CDH12: variants seen among roughly 807,000 people sequenced by gnomAD.
CDH12 encodes the protein cadherin-12.
CDH12 carries 41 observed loss-of-function variants against 74.1 expected under a neutral mutation model. The observed-to-expected ratio is 0.55, with a 90% CI of 0.43 to 0.72. CDH12 has a LOEUF of 0.72. Ranked by LOEUF, CDH12 falls within the 30% of genes least tolerant of loss-of-function variation. The pLI, the probability that CDH12 is intolerant of heterozygous loss-of-function variation, is 0.00. For missense variants in CDH12, 945 were observed against 977.2 expected, an observed-to-expected ratio of 0.97 and a Z score of 0.44; for synonymous variants, 399 against 355.0, an observed-to-expected ratio of 1.12 and a Z score of -1.39.
intron 6 of CDH12, among the ~76,000 whole-genome samples, chr5:21,894,382 GAAA>G (rs376989106): frequency 2.7e-5 from 2 of 73,440 alleles, no homozygotes; most frequent in African/African-American, 4.4e-5. Flanking sequence ...CCGTCTCAAA[GAAA>G]AAAAAAAAAA....
Position 22,761,474 on chromosome 5 carries a change from G to T in CDH12, c.-523+91584C>A, listed in dbSNP as rs1233293168. Among the ~76,000 whole-genome samples the T allele has an allele frequency of 2.6e-5, 4 of 152,056 alleles. No individual in the cohort carries two copies. The East Asian group carries it at 7.7e-4, about 29-fold the overall frequency. ...GGAGTTTTCATAATCACAAGTAAAT[G>T]GTTATCCACAATATTAAGTGCTACA... is the stretch of plus-strand genomic sequence containing the variant. On this transcript the variant is annotated intron_variant, in intron 1 of 14. Transcript: ENST00000382254.
rs549399228 is a variant in CDH12 at position 21,889,900 on chromosome 5, A to C, written c.527-35110T>G. 13 of 962,768 alleles carry C rather than the reference A, an allele frequency of 1.4e-5. No homozygotes were observed. In the East Asian group the frequency reaches 1.4e-3, roughly 102 times the overall value. 59.6% of individuals were successfully genotyped at this position (962,768 alleles called of 1,614,324 possible). ...TTTCTTAGCATATAAGTTACCCCAC[A>C]CTGGCAATGTTTGACTTTTATTGCT... On this transcript the variant is annotated intron_variant, in intron 6 of 14. Transcript: ENST00000382254.
At chr5:21,996,250 C>G (rs3111153) in intron 5 of CDH12, among the ~76,000 whole-genome samples, 31,439 of 151,832 alleles carry the variant, frequency 0.21, 3,980 homozygotes, top group African/African-American at 0.35. Context: ...GATCGGCCCT[C>G]GCCATGCCAG....
At chr5:22,607,927 G>A (rs1580812005) in intron 1 of CDH12, among the ~76,000 whole-genome samples, 2 of 152,336 alleles carry the variant, frequency 1.3e-5, no homozygotes, top group South Asian at 2.1e-4. Context: ...GTGGATGTAT[G>A]GGAACACCTG....
chr5:22,425,153 G>GTGTGTA (rs1554039869), intron 2 of CDH12, among the ~76,000 whole-genome samples: 2 of 88,016 alleles, frequency 2.3e-5, no homozygotes, highest in Admixed American at 1.2e-4. Context: ...ATGTGTGTGT[G>GTGTGTA]TATATATATA....
At position 22,133,512 on chromosome 5, in the gene CDH12, C is replaced by T. The variant is rs529917272; in HGVS notation, c.-186-54650G>A. On this transcript the variant is annotated intron_variant, in intron 4 of 14. Transcript: ENST00000382254. ...AAAACTTAGACTCATATTTGTAATTCAACCCAAATGACAAATTTTTCAGTT... is the reference window on the plus strand; with the variant it reads ...AAAACTTAGACTCATATTTGTAATTTAACCCAAATGACAAATTTTTCAGTT... 5.1e-4 allele frequency among the ~76,000 whole-genome samples: 77 copies of T among 152,140 alleles called. No individual in the cohort carries two copies. In the South Asian group the frequency reaches 0.013, roughly 26 times the overall value.
chr5:22,540,467 C>T (rs1181870036), intron 1 of CDH12, among the ~76,000 whole-genome samples: 1 of 152,056 alleles, frequency 6.6e-6, no homozygotes, highest in Non-Finnish European at 1.5e-5. Context: ...CAGCTACCTT[C>T]ACTTTTAGTA....
At chr5:22,427,552 TTTTC>T (rs1743992144) in intron 2 of CDH12, among the ~76,000 whole-genome samples, 1 of 152,196 alleles carries the variant, frequency 6.6e-6, no homozygotes, top group African/African-American at 2.4e-5. Context: ...TTGCTTTCCT[TTTTC>T]TTTGTCTTTA....
chr5:22,100,577 A>T (rs1234508753), intron 4 of CDH12, among the ~76,000 whole-genome samples: 1 of 151,456 alleles, frequency 6.6e-6, no homozygotes, highest in Non-Finnish European at 1.5e-5. Flanking sequence ...GAATCTGAAA[A>T]ATGATTCTGT....
intron 1 of CDH12, among the ~76,000 whole-genome samples, chr5:22,721,103 C>A (rs1206949529): frequency 6.6e-6 from 1 of 152,202 alleles, no homozygotes; most frequent in African/African-American, 2.4e-5. Flanking sequence ...GTCAGCTCCT[C>A]CCATCACAGG....
chr5:21,808,243 G>A (rs1402027530), intron 9 of CDH12, among the ~76,000 whole-genome samples: 3 of 151,968 alleles, frequency 2.0e-5, no homozygotes, highest in South Asian at 2.1e-4. Context: ...CCCCAATCAC[G>A]CCTTGATTTC....
chr5:22,378,165 C>T (rs987408816), intron 3 of CDH12, among the ~76,000 whole-genome samples: 1 of 152,020 alleles, frequency 6.6e-6, no homozygotes, highest in Non-Finnish European at 1.5e-5. Context: ...ACAGGTAAAT[C>T]CACTGTGTAC....
At chr5:22,384,525 C>T (rs1450864640) in intron 3 of CDH12, among the ~76,000 whole-genome samples, 1 of 68,818 alleles carries the variant, frequency 1.5e-5, no homozygotes, top group African/African-American at 4.9e-5. Context: ...AACTCCGTCT[C>T]AAAAAAAAAA....
At chr5:22,659,097 A>G (rs1158077683) in intron 1 of CDH12, among the ~76,000 whole-genome samples, 1 of 152,190 alleles carries the variant, frequency 6.6e-6, no homozygotes, top group African/African-American at 2.4e-5. Flanking sequence ...GGATTTAAAG[A>G]AAGATCTAAA....
chr5:22,794,610 A>G (rs1464031934), intron 1 of CDH12, among the ~76,000 whole-genome samples: 1 of 152,198 alleles, frequency 6.6e-6, no homozygotes, highest in Non-Finnish European at 1.5e-5. Flanking sequence ...GAAAAGGACC[A>G]AGATTTAGAG....
intron 4 of CDH12, among the ~76,000 whole-genome samples, chr5:22,092,191 C>A (rs1412468338): frequency 6.6e-6 from 1 of 151,786 alleles, no homozygotes; most frequent in Non-Finnish European, 1.5e-5. Flanking sequence ...TTCTTACACA[C>A]AAACATAGAA....
chr5:22,405,691 C>T (rs1742912740), intron 2 of CDH12, among the ~76,000 whole-genome samples: 1 of 152,156 alleles, frequency 6.6e-6, no homozygotes, highest in African/African-American at 2.4e-5. Flanking sequence ...GAGTCAACTG[C>T]ATTAAACAAA....
intron 1 of CDH12, among the ~76,000 whole-genome samples, chr5:22,772,983 C>T (rs917380294): frequency 1.3e-5 from 2 of 151,982 alleles, no homozygotes; most frequent in Non-Finnish European, 1.5e-5. Flanking sequence ...AACTACGAAA[C>T]ACTGTTGAAA....
intron 5 of CDH12, among the ~76,000 whole-genome samples, chr5:22,011,998 T>C (rs1281573502): frequency 6.6e-6 from 1 of 152,068 alleles, no homozygotes; most frequent in Non-Finnish European, 1.5e-5. Flanking sequence ...CTCAAAAGAG[T>C]CAACTCTGTA....
Sources: gnomAD v4.1 joint callset for allele counts (sites outside exome capture counted in the v4.1 genomes callset) on GRCh38, gnomAD v4.1.1 for gene constraint, MANE v1.5 for transcripts, NCBI Gene and HGNC (gene_info 2026-07-23, HGNC 2026-07-21) for gene names.